The following SYT1 variants were observed in gnomAD, a reference collection of about 807,000 sequenced individuals.
The protein encoded by SYT1 is synaptotagmin 1.
A neutral mutation model predicts 44.8 loss-of-function variants in SYT1; 8 were observed. That is an observed-to-expected ratio of 0.18 (90% CI 0.10 to 0.32). The LOEUF (loss-of-function observed/expected upper bound fraction) is 0.32. Among genes scored for constraint, SYT1 ranks in the 10% least tolerant of loss-of-function variants. SYT1 has a pLI of 1.00. For synonymous variants in SYT1, 154 were observed against 188.8 expected (o/e 0.82, Z 1.51); for missense variants, 286 against 509.3 (o/e 0.56, Z 4.22).
intron 2 of SYT1, among the ~76,000 whole-genome samples, chr12:79,008,293 A>G (rs548702933): frequency 5.3e-5 from 8 of 152,248 alleles, no homozygotes; most frequent in Middle Eastern, 6.8e-3. Flanking sequence ...TTCTAGGAGC[A>G]GATAGAAGTG....
intron 9 of SYT1, among the ~76,000 whole-genome samples, chr12:79,410,378 G>A (rs1003989855): frequency 2.0e-5 from 3 of 151,934 alleles, no homozygotes; most frequent in Non-Finnish European, 4.4e-5. Flanking sequence ...GTGTTCAAGG[G>A]CGAGAATTCA....
Position 79,186,881 on chromosome 12 carries a change from C to G in SYT1, c.-17-30622C>G, listed in dbSNP as rs1275474468. Among the ~76,000 whole-genome samples, 3 of 152,066 alleles carry G rather than the reference C, an allele frequency of 2.0e-5. 1 individual carries two copies. Among genetic ancestry groups the G allele is most frequent in the South Asian group, 4.1e-4 (2 of 4,820 alleles). ...TCACGTTAATTATACTTAGCAGGCA[C>G]TTTTCTGTGATAATACACCAATTCC... On this transcript the variant is annotated intron_variant, in intron 3 of 10. Coordinates refer to ENST00000261205, the MANE Select transcript of SYT1 (RefSeq NM_005639.3).
At chr12:79,097,443 A>G (rs1173655098) in intron 3 of SYT1, among the ~76,000 whole-genome samples, 1 of 152,024 alleles carries the variant, frequency 6.6e-6, no homozygotes, top group Non-Finnish European at 1.5e-5. Flanking sequence ...CCTGTTAGCC[A>G]GAGGTCATTG....
At chr12:79,257,392 G>A (rs1037408125) in intron 4 of SYT1, among the ~76,000 whole-genome samples, 21 of 152,358 alleles carry the variant, frequency 1.4e-4, no homozygotes, top group Non-Finnish European at 2.6e-4. Context: ...CTACAGTGAG[G>A]TCACACTTTT....
intron 3 of SYT1, among the ~76,000 whole-genome samples, chr12:79,118,497 G>T (rs961123983): frequency 2.6e-5 from 4 of 152,130 alleles, no homozygotes; most frequent in Admixed American, 2.6e-4. Context: ...ATGGTAGACT[G>T]TCTTTTTCTG....
intron 1 of SYT1, among the ~76,000 whole-genome samples, chr12:78,891,705 G>A (rs1287003428): frequency 1.3e-5 from 2 of 151,902 alleles, no homozygotes; most frequent in Non-Finnish European, 2.9e-5. Flanking sequence ...TGTCAGGGAT[G>A]TCTTGAGAAA....
At chr12:79,135,917 G>T (rs1405860706) in intron 3 of SYT1, among the ~76,000 whole-genome samples, 1 of 152,134 alleles carries the variant, frequency 6.6e-6, no homozygotes, top group Non-Finnish European at 1.5e-5. Flanking sequence ...AAAAGCTTTT[G>T]TTGTTTAAAC....
At chr12:79,395,828 C>A (rs1884847327) in intron 9 of SYT1, among the ~76,000 whole-genome samples, 1 of 152,146 alleles carries the variant, frequency 6.6e-6, no homozygotes, top group Non-Finnish European at 1.5e-5. Context: ...TTGATTTAAA[C>A]TGATGCATAT....
chr12:78,935,913 G>T (rs529426112), intron 1 of SYT1, among the ~76,000 whole-genome samples: 9 of 152,240 alleles, frequency 5.9e-5, no homozygotes, highest in Admixed American at 6.5e-5. Flanking sequence ...AGCACAGCTT[G>T]ATCATATAAT....
intron 9 of SYT1, among the ~76,000 whole-genome samples, chr12:79,422,526 C>A (rs538993227): frequency 6.6e-6 from 1 of 151,560 alleles, no homozygotes; most frequent in Admixed American, 6.6e-5. Flanking sequence ...TTCCCCAAAG[C>A]TATGGTTAAA....
chr12:79,078,667 A>G (rs987947670), intron 3 of SYT1, among the ~76,000 whole-genome samples: 3 of 151,962 alleles, frequency 2.0e-5, no homozygotes, highest in East Asian at 3.9e-4. Flanking sequence ...TCCATTAGCT[A>G]TTCTTCCTGA....
intron 1 of SYT1, among the ~76,000 whole-genome samples, chr12:78,897,616 C>T (rs1346163444): frequency 6.6e-6 from 1 of 152,092 alleles, no homozygotes; most frequent in East Asian, 1.9e-4. Flanking sequence ...TGCTGATATG[C>T]TCAATAATGC....
At chr12:79,233,193 C>T (rs1875972852) in intron 4 of SYT1, among the ~76,000 whole-genome samples, 1 of 152,188 alleles carries the variant, frequency 6.6e-6, no homozygotes, top group Admixed American at 6.5e-5. Flanking sequence ...CACCCCCAAG[C>T]ATGTTTATTC....
At chr12:79,363,664 G>T (rs1526948) in intron 9 of SYT1, among the ~76,000 whole-genome samples, 4 of 151,618 alleles carry the variant, frequency 2.6e-5, no homozygotes, top group African/African-American at 7.3e-5. Flanking sequence ...AAGCCCAGGA[G>T]GTCAAGGCTG....
At chr12:79,193,377 G>T (rs1873246531) in intron 3 of SYT1, among the ~76,000 whole-genome samples, 1 of 152,136 alleles carries the variant, frequency 6.6e-6, no homozygotes, top group Non-Finnish European at 1.5e-5. Context: ...CCATTACAAG[G>T]ATTAGGATAG....
chr12:78,876,825 T>G (rs1351139159), intron 1 of SYT1, among the ~76,000 whole-genome samples: 1 of 7,288 alleles, frequency 1.4e-4, no homozygotes, highest in African/African-American at 2.5e-4. Context: ...TATCATATAT[T>G]ATATGTATTA....
At chr12:79,117,475 C>G (rs1879337786) in intron 3 of SYT1, among the ~76,000 whole-genome samples, 1 of 150,946 alleles carries the variant, frequency 6.6e-6, no homozygotes, top group Non-Finnish European at 1.5e-5. Context: ...AGAGTAAACT[C>G]AAATCAAGGA....
intron 2 of SYT1, chr12:79,036,710 G>A (rs2137696911): frequency 6.6e-6 from 1 of 151,716 alleles, no homozygotes; most frequent in East Asian, 1.9e-4. Context: ...CCCTTTCAGT[G>A]GTACTTACTT....
At chr12:79,166,867 G>A (rs1244270531) in intron 3 of SYT1, among the ~76,000 whole-genome samples, 1 of 151,944 alleles carries the variant, frequency 6.6e-6, no homozygotes, top group Non-Finnish European at 1.5e-5. Context: ...ATGTTATTTT[G>A]AGTAAATCAT....
Sources: allele counts gnomAD v4.1 joint callset (sites outside exome capture counted in the v4.1 genomes callset), GRCh38; gene constraint gnomAD v4.1.1; transcripts MANE v1.5; gene names NCBI Gene and HGNC (gene_info 2026-07-23, HGNC 2026-07-21).